Variants in PLCL2 observed in about 807,000 individuals in gnomAD.
The protein encoded by PLCL2 is phospholipase C like 2.
Under a neutral mutation model 79.6 loss-of-function variants are expected in PLCL2, and 4 were observed. The ratio of observed to expected loss-of-function variants is 0.05; its 90% confidence interval spans 0.02 to 0.11. PLCL2 has a LOEUF of 0.11. Among genes scored for constraint, PLCL2 ranks in the 10% least tolerant of loss-of-function variants. The pLI is 1.00. For missense variants in PLCL2, 895 were observed against 1,291.0 expected (o/e 0.69, Z 4.70); for synonymous variants, 484 against 457.7 (o/e 1.06, Z -0.73).
chr3:16,935,282 T>C (rs1697513026), intron 1 of PLCL2, among the ~76,000 whole-genome samples: 1 of 152,232 alleles, frequency 6.6e-6, no homozygotes, highest in Non-Finnish European at 1.5e-5. Flanking sequence ...AAGAGCTCTA[T>C]TACTCTTTAG....
At chr3:17,001,324 C>G (rs527248621) in intron 1 of PLCL2, among the ~76,000 whole-genome samples, 23 of 152,176 alleles carry the variant, frequency 1.5e-4, no homozygotes, top group African/African-American at 5.5e-4. Flanking sequence ...TAGACTCTCT[C>G]TTTTCACTCT....
chr3:17,022,252 A>G (rs4684307), intron 3 of PLCL2, among the ~76,000 whole-genome samples: 26,825 of 152,142 alleles, frequency 0.18, 2,980 homozygotes, highest in East Asian at 0.54. Context: ...ATACTACTAC[A>G]TTTTTTATAA....
rs1005152477 is a variant in PLCL2 at position 17,067,985 on chromosome 3, A to G, written c.3124A>G (p.Ile1042Val). The change falls in exon 5 of 6, where the codon ATA becomes GTA. Residue 1042 changes from isoleucine (I) to valine (V), a missense_variant. Ile to Val is a conservative substitution (Grantham distance 29). Coordinates refer to ENST00000615277, the MANE Select transcript of PLCL2 (RefSeq NM_001144382.2). ...AMEFHEHLHS[I>V]GTKEGLKERK... ...GGAATTCCATGAACACTTGCACAGC[A>G]TAGGCACCAAGGAAGGTTTGAAGGA... is the stretch of plus-strand genomic sequence containing the variant. The G allele has an allele frequency of 6.2e-7, 1 of 1,611,700 alleles. No individual in the cohort carries two copies. Among genetic ancestry groups the G allele is most frequent in the Non-Finnish European group, 8.5e-7 (1 of 1,178,082 alleles).
intron 3 of PLCL2, among the ~76,000 whole-genome samples, chr3:17,018,447 G>A (rs546620072): frequency 2.0e-5 from 3 of 152,154 alleles, no homozygotes; most frequent in African/African-American, 4.8e-5. Flanking sequence ...GGCTCAACCT[G>A]TGAGGGCTCA....
At chr3:17,034,381 A>AAATG (rs1422955889) in intron 3 of PLCL2, among the ~76,000 whole-genome samples, 1 of 152,218 alleles carries the variant, frequency 6.6e-6, no homozygotes. Flanking sequence ...ATGAATAAAT[A>AAATG]AATGAATGAA....
At chr3:16,938,498 C>T (rs1697599008) in intron 1 of PLCL2, among the ~76,000 whole-genome samples, 3 of 152,060 alleles carry the variant, frequency 2.0e-5, no homozygotes, top group Admixed American at 1.3e-4. Flanking sequence ...AAGCCATAGG[C>T]TAAGGGAAGA....
chr3:16,941,418 A>C (rs1697680756), intron 1 of PLCL2, among the ~76,000 whole-genome samples: 1 of 152,128 alleles, frequency 6.6e-6, no homozygotes, highest in Non-Finnish European at 1.5e-5. Context: ...CCCTTCAGCC[A>C]AGCACCCAAC....
chr3:16,991,354 A>G (rs1469351584), intron 1 of PLCL2, among the ~76,000 whole-genome samples: 1 of 152,216 alleles, frequency 6.6e-6, no homozygotes, highest in African/African-American at 2.4e-5. Flanking sequence ...ATTTAACGGC[A>G]GACAGTAGTT....
In PLCL2 at chr3:17,011,935, C is replaced by G. The variant is rs758548250; in HGVS notation, c.2589C>G (p.Ser863=). 10 of 1,614,206 alleles carry G rather than the reference C, an allele frequency of 6.2e-6. No individual in the cohort carries two copies. In the South Asian group the frequency reaches 1.1e-4, roughly 18 times the overall value. The part of the protein sequence containing the change: ...QTGYRHVPLQ[S]LTGEVLAHAS... ...GCTACCGCCATGTCCCCCTGCAGTC[C>G]TTAACTGGAGAGGTCCTTGCACATG... is the stretch of plus-strand genomic sequence containing the variant. The change falls in exon 2 of 6, where the codon TCC becomes TCG. Residue 863 remains serine, a synonymous_variant. Transcript: ENST00000615277. The surrounding 1 kb of genome is among the most constrained non-coding windows in gnomAD (Gnocchi z 7.9).
intron 5 of PLCL2, among the ~76,000 whole-genome samples, chr3:17,078,954 A>G (rs1204627550): frequency 6.6e-6 from 1 of 152,202 alleles, no homozygotes; most frequent in Non-Finnish European, 1.5e-5. Flanking sequence ...AAATCAAACT[A>G]TAGTAGCGTT....
chr3:16,896,337 G>A (rs1025894320), intron 1 of PLCL2, among the ~76,000 whole-genome samples: 3 of 152,156 alleles, frequency 2.0e-5, no homozygotes, highest in African/African-American at 7.2e-5. Context: ...CTTGCTGGAA[G>A]AGCCTGAGGA....
At position 16,905,909 on chromosome 3, in the gene PLCL2, T is replaced by C. The variant is rs576246203; in HGVS notation, c.327+20543T>C. Reference sequence around the variant, plus strand: ...AGGTGTTGATGAGTGCCCATAACTCTCCAGGCCCAGCCAGGGCACCATTAA... The same window carrying C: ...AGGTGTTGATGAGTGCCCATAACTCCCCAGGCCCAGCCAGGGCACCATTAA... On this transcript the variant is annotated intron_variant, in intron 1 of 5. Transcript: ENST00000615277. 2.0e-3 allele frequency among the ~76,000 whole-genome samples: 298 copies of C among 152,266 alleles called. 3 individuals carry two copies. The highest frequency in any genetic ancestry group is 6.6e-4 in the Non-Finnish European group (45 of 68,020).
intron 2 of PLCL2, among the ~76,000 whole-genome samples, chr3:17,013,017 A>G (rs761096663): frequency 6.6e-6 from 1 of 152,236 alleles, no homozygotes; most frequent in African/African-American, 2.4e-5. Context: ...TTTTTTCCCT[A>G]TCAACTAATT....
intron 1 of PLCL2, among the ~76,000 whole-genome samples, chr3:16,896,238 G>C (rs777132687): frequency 2.0e-5 from 3 of 152,106 alleles, no homozygotes; most frequent in Non-Finnish European, 4.4e-5. Flanking sequence ...AAACATTTCT[G>C]CTGCTGTGGA....
intron 1 of PLCL2, among the ~76,000 whole-genome samples, chr3:16,939,580 A>G (rs942918936): frequency 1.3e-5 from 2 of 152,370 alleles, no homozygotes; most frequent in Admixed American, 6.5e-5. Context: ...ACTATCAGAT[A>G]TGTGTGTGCA....
intron 1 of PLCL2, among the ~76,000 whole-genome samples, chr3:16,954,724 T>C (rs2063687432): frequency 6.6e-6 from 1 of 152,316 alleles, no homozygotes; most frequent in East Asian, 1.9e-4. Context: ...CCATTCTAAC[T>C]GGTGTGAGAT....
chr3:17,032,899 A>G (rs1413023983), intron 3 of PLCL2, among the ~76,000 whole-genome samples: 1 of 152,182 alleles, frequency 6.6e-6, no homozygotes, highest in Non-Finnish European at 1.5e-5. Context: ...TAACCTGTGA[A>G]ATATGGCCCG....
chr3:16,952,389 A>AAAAAAAAT (rs2063663020), intron 1 of PLCL2, among the ~76,000 whole-genome samples: 1 of 146,268 alleles, frequency 6.8e-6, no homozygotes, highest in Non-Finnish European at 1.5e-5. Context: ...AAAAAAAAAA[A>AAAAAAAAT]AAGAACCTGT....
intron 4 of PLCL2, 56 bp downstream of exon 4, chr3:17,043,005 G>T: frequency 8.9e-7 from 1 of 1,127,154 alleles, no homozygotes; most frequent in Admixed American, 1.8e-5. Flanking sequence ...CATATACTTT[G>T]CCCCAAAACT....
Sources: gnomAD v4.1 joint callset for allele counts (sites outside exome capture counted in the v4.1 genomes callset) on GRCh38, gnomAD v4.1.1 for gene constraint, Gnocchi (gnomAD v3.1) non-coding constraint, MANE v1.5 for transcripts, NCBI Gene and HGNC (gene_info 2026-07-23, HGNC 2026-07-21) for gene names.